The following NR3C2 variants were observed in gnomAD, a reference collection of about 807,000 sequenced individuals.
The protein encoded by NR3C2 is nuclear receptor subfamily 3 group C member 2.
In NR3C2, 15 loss-of-function variants were observed where a neutral mutation model predicts 86.4. The ratio of observed to expected loss-of-function variants is 0.17; its 90% CI spans 0.12 to 0.27. The LOEUF is 0.27. NR3C2 is among the 10% of genes least tolerant of loss of function. The pLI is 1.00. For missense variants in NR3C2, 960 were observed against 1,195.6 expected, an observed-to-expected ratio of 0.80 and a Z score of 2.91; for synonymous variants, 458 against 450.5, an observed-to-expected ratio of 1.02 and a Z score of -0.21.
intron 1 of NR3C2, among the ~76,000 whole-genome samples, chr4:148,437,665 C>T (rs1750143920): frequency 6.6e-6 from 1 of 152,152 alleles, no homozygotes; most frequent in African/African-American, 2.4e-5. Flanking sequence ...TCTGCTAGAA[C>T]GACTGCCAAC....
At position 148,099,875 on chromosome 4, in the gene NR3C2, G is replaced by GTT. The variant is rs375458205; in HGVS notation, c.2799+14227_2799+14228dup. On this transcript the variant is annotated intron_variant, in intron 8 of 8. Transcript: ENST00000358102. ...AACATAGCCTGTAGGACCTTCAGTG[G>GTT]TTTTTTTCTCCCTAAAATTTTTGTT... 9.9e-4 allele frequency among the ~76,000 whole-genome samples: 150 copies of GTT among 152,250 alleles called. 2 individuals carry two copies. The highest frequency in any genetic ancestry group is 4.3e-4 in the Non-Finnish European group (29 of 68,016).
intron 2 of NR3C2, among the ~76,000 whole-genome samples, chr4:148,269,060 T>C (rs1254003863): frequency 6.6e-6 from 1 of 152,200 alleles, no homozygotes; most frequent in African/African-American, 2.4e-5. Flanking sequence ...CTCCATGTTC[T>C]GTTTGTGGAA....
chr4:148,371,183 C>A (rs1746399546), intron 2 of NR3C2, among the ~76,000 whole-genome samples: 1 of 152,160 alleles, frequency 6.6e-6, no homozygotes, highest in African/African-American at 2.4e-5. Flanking sequence ...CTTTGTGTTA[C>A]AAATGATCCA....
At position 148,435,398 on chromosome 4, in the gene NR3C2, C is replaced by T; in HGVS notation, c.1463G>A (p.Gly488Glu). ...TTCTTGTTTAATACCCACTGGGAAT[C>T]CGCTGCCTTCACAGTTACCATCAAA... is the stretch of plus-strand genomic sequence containing the variant. ...PGFDGNCEGSGFPVGIKQEPD... is the reference protein window; with the variant it reads ...PGFDGNCEGSEFPVGIKQEPD... The change falls in exon 2 of 9, where the codon GGA becomes GAA. Residue 488 changes from glycine to glutamate, a missense_variant. Coordinates refer to ENST00000358102, the MANE Select transcript of NR3C2 (RefSeq NM_000901.5). 6.2e-7 allele frequency: 1 copy of T among 1,614,202 alleles called. No homozygotes were observed. The highest frequency in any genetic ancestry group is 8.5e-7 in the Non-Finnish European group (1 of 1,180,038).
chr4:148,371,110 G>A (rs1250107874), intron 2 of NR3C2, among the ~76,000 whole-genome samples: 2 of 152,284 alleles, frequency 1.3e-5, no homozygotes, highest in East Asian at 1.9e-4. Context: ...CTTTGATAGA[G>A]GCATGCAGTG....
chr4:148,378,581 G>A (rs1247517262), intron 2 of NR3C2, among the ~76,000 whole-genome samples: 5 of 152,052 alleles, frequency 3.3e-5, no homozygotes, highest in Non-Finnish European at 7.4e-5. Flanking sequence ...AGGACATTTG[G>A]TTGTTTAAAA....
chr4:148,216,007 C>T (rs1737517258), intron 3 of NR3C2, among the ~76,000 whole-genome samples: 3 of 151,910 alleles, frequency 2.0e-5, no homozygotes, highest in Non-Finnish European at 2.9e-5. Flanking sequence ...CCAGGATGGT[C>T]GTGATCTCCT....
chr4:148,258,482 T>C (rs758174311), intron 3 of NR3C2, among the ~76,000 whole-genome samples: 8 of 152,138 alleles, frequency 5.3e-5, no homozygotes, highest in Non-Finnish European at 1.0e-4. Flanking sequence ...TTCCCCATTC[T>C]TGGTCTAGAT....
At chr4:148,440,451 A>G (rs917338870) in intron 1 of NR3C2, among the ~76,000 whole-genome samples, 1 of 152,274 alleles carries the variant, frequency 6.6e-6, no homozygotes, top group African/African-American at 2.4e-5. Context: ...TCTAGAGGAT[A>G]AAGAAAAAGT....
intron 8 of NR3C2, among the ~76,000 whole-genome samples, chr4:148,097,211 T>C (rs1731316185): frequency 6.6e-6 from 1 of 152,178 alleles, no homozygotes; most frequent in African/African-American, 2.4e-5. Flanking sequence ...GAATTTGTCA[T>C]TCAAATAGAC....
chr4:148,267,628 A>C (rs1740464816), intron 2 of NR3C2, among the ~76,000 whole-genome samples: 1 of 152,210 alleles, frequency 6.6e-6, no homozygotes, highest in African/African-American at 2.4e-5. Flanking sequence ...TATGGATTTC[A>C]ACATTTCTTC....
intron 3 of NR3C2, among the ~76,000 whole-genome samples, chr4:148,222,212 A>C (rs1560986038): frequency 6.6e-6 from 1 of 152,224 alleles, no homozygotes; most frequent in Non-Finnish European, 1.5e-5. Context: ...TGGAATTCAA[A>C]TATATCTTAT....
chr4:148,181,122 A>G (rs1313584325), intron 4 of NR3C2, among the ~76,000 whole-genome samples: 1 of 152,240 alleles, frequency 6.6e-6, no homozygotes, highest in Non-Finnish European at 1.5e-5. Context: ...AAGGAAAACT[A>G]CAGATACTTG....
chr4:148,090,859 C>T (rs1031420848), intron 8 of NR3C2, among the ~76,000 whole-genome samples: 8 of 152,224 alleles, frequency 5.3e-5, no homozygotes, highest in African/African-American at 1.9e-4. Context: ...CTGTTTATGC[C>T]TCGGTCAGCT....
chr4:148,159,901 T>A lies in NR3C2; in HGVS notation c.2015-5000A>T, dbSNP rs143655978. 1.9e-3 allele frequency among the ~76,000 whole-genome samples: 293 copies of A among 152,350 alleles called. 2 individuals are homozygous for A. Among genetic ancestry groups the A allele is most frequent in the African/African-American group, 6.8e-3 (282 of 41,588 alleles). On this transcript the variant is annotated intron_variant, in intron 4 of 8. Coordinates refer to ENST00000358102, the MANE Select transcript of NR3C2 (RefSeq NM_000901.5). ...CCTTACTAAATCAATATTGAGTTTA[T>A]GGCCATTGAGCTTTGTGATCTCATG...
At chr4:148,186,602 T>C (rs28656810) in intron 4 of NR3C2, among the ~76,000 whole-genome samples, 4,622 of 152,168 alleles carry the variant, frequency 0.03, 227 homozygotes, top group African/African-American at 0.1. Flanking sequence ...TGGCACAGTA[T>C]TGTACATAAT....
In NR3C2 at chr4:148,120,168, T is replaced by C; in HGVS notation, c.2631A>G (p.Leu877=). Residue 877 remains leucine, a synonymous_variant, in exon 7 of 9, where the codon CTA becomes CTG. Transcript: ENST00000358102. ...TGGGCATCAATTTACTTGTGCTTAG[T>C]AGCAGCAAAACTTTCATGATGGTGT... ...EEYTIMKVLL[L]LSTIPKDGLK... is the part of the protein sequence containing the mutation. 6.2e-7 allele frequency: 1 copy of C among 1,614,166 alleles called. No homozygotes were observed. The highest frequency in any genetic ancestry group is 8.5e-7 in the Non-Finnish European group (1 of 1,179,998).
At chr4:148,412,271 TGGAGC>T (rs1748745147) in intron 2 of NR3C2, among the ~76,000 whole-genome samples, 1 of 152,148 alleles carries the variant, frequency 6.6e-6, no homozygotes, top group Non-Finnish European at 1.5e-5. Context: ...GAGGGGTGGG[TGGAGC>T]TGTGCCATTC....
intron 2 of NR3C2, among the ~76,000 whole-genome samples, chr4:148,417,851 A>G (rs1196388292): frequency 1.3e-5 from 2 of 152,178 alleles, no homozygotes; most frequent in Non-Finnish European, 2.9e-5. Flanking sequence ...TTTTGCAATC[A>G]CCTGCTTAAC....
Sources: gnomAD v4.1 joint callset for allele counts (sites outside exome capture counted in the v4.1 genomes callset) on GRCh38, gnomAD v4.1.1 for gene constraint, MANE v1.5 for transcripts, NCBI Gene and HGNC (gene_info 2026-07-23, HGNC 2026-07-21) for gene names.